The following PCDHA4 variants were observed in gnomAD, a reference collection of about 807,000 sequenced individuals.
PCDHA4 encodes protocadherin alpha 4.
Under a neutral mutation model 61.4 loss-of-function variants are expected in PCDHA4, and 49 were observed. That is an observed-to-expected ratio of 0.80 (90% CI 0.63 to 1.01). The LOEUF is 1.01. Among genes scored for constraint, PCDHA4 ranks in the 50% least tolerant of loss-of-function variants. PCDHA4 has a pLI of 0.00. For missense variants in PCDHA4, 1,254 were observed against 1,235.8 expected (o/e 1.01, Z -0.22); for synonymous variants, 590 against 550.3 (o/e 1.07, Z -1.01).
At chr5:140,917,690 G>C (rs2078307385) in intron 1 of PCDHA4, among the ~76,000 whole-genome samples, 1 of 152,108 alleles carries the variant, frequency 6.6e-6, no homozygotes, top group African/African-American at 2.4e-5. Context: ...TTTTGTTGAA[G>C]ATCAGATAAT....
chr5:140,842,160 C>T (rs1777743066), intron 1 of PCDHA4: 3 of 1,613,732 alleles, frequency 1.9e-6, no homozygotes, highest in Non-Finnish European at 2.5e-6. Flanking sequence ...ATTTCATATT[C>T]TTTTAATAGC....
At chr5:140,876,760 G>A (rs2056562687) in intron 1 of PCDHA4, 4 of 1,614,234 alleles carry the variant, frequency 2.5e-6, no homozygotes, top group South Asian at 2.2e-5. Flanking sequence ...TGCGCGGGAT[G>A]GGGGCTCGCC....
At chr5:140,912,578 A>G (rs2075983045) in intron 1 of PCDHA4, among the ~76,000 whole-genome samples, 1 of 152,052 alleles carries the variant, frequency 6.6e-6, no homozygotes, top group Admixed American at 6.5e-5. Context: ...CCTCTTTTCC[A>G]ATTTGGATGC....
At position 140,855,941 on chromosome 5, in the gene PCDHA4, C is replaced by G; in HGVS notation, c.2385+46369C>G. Reference sequence around the variant, plus strand: ...AGGAAGTAGCGTCATTCTGAGATCTCAGCCATTTCGATAAAAAATAGATAT... The same window carrying G: ...AGGAAGTAGCGTCATTCTGAGATCTGAGCCATTTCGATAAAAAATAGATAT... On this transcript the variant is annotated intron_variant, in intron 1 of 3. Transcript: ENST00000530339. The G allele has an allele frequency of 3.0e-6, 4 of 1,328,222 alleles. 1 individual carries two copies. The highest frequency in any genetic ancestry group is 4.1e-6 in the Non-Finnish European group (4 of 966,976). The allele number at this position is 1,328,222 out of a possible 1,614,324, so 82.3% of individuals were successfully genotyped here.
chr5:140,818,409 C>T (rs1766349946), intron 1 of PCDHA4, among the ~76,000 whole-genome samples: 1 of 152,056 alleles, frequency 6.6e-6, no homozygotes, highest in Non-Finnish European at 1.5e-5. Flanking sequence ...TTTTATTTTC[C>T]TTTTTAAAAA....
At chr5:140,876,843 G>A (rs1554169011) in intron 1 of PCDHA4, 3 of 1,614,128 alleles carry the variant, frequency 1.9e-6, no homozygotes, top group East Asian at 2.2e-5. Flanking sequence ...CGTTCGCGCA[G>A]CCCGAGTACA....
intron 1 of PCDHA4, among the ~76,000 whole-genome samples, chr5:140,847,173 G>A (rs1554141670): frequency 6.7e-6 from 1 of 149,492 alleles, no homozygotes; most frequent in African/African-American, 2.4e-5. Context: ...ATAAACTAAA[G>A]GGCCATGAGT....
intron 1 of PCDHA4, among the ~76,000 whole-genome samples, chr5:140,820,465 G>C (rs1766763735): frequency 6.6e-6 from 1 of 151,906 alleles, no homozygotes; most frequent in African/African-American, 2.4e-5. Context: ...GTCTTCACAG[G>C]TAAGGGATAT....
chr5:140,875,984 C>T (rs2056022183), intron 1 of PCDHA4: 1 of 1,613,870 alleles, frequency 6.2e-7, no homozygotes, highest in East Asian at 2.2e-5. Flanking sequence ...TTGACCTATG[C>T]GTTAAGTCTA....
At chr5:140,829,217 G>C (rs2150164060) in intron 1 of PCDHA4, 54 of 1,614,086 alleles carry the variant, frequency 3.3e-5, no homozygotes, top group Non-Finnish European at 4.3e-5. Flanking sequence ...TAGCGTGAAC[G>C]ACCTCGATTC....
intron 1 of PCDHA4, chr5:140,809,983 A>T (rs1554125393): frequency 6.3e-6 from 1 of 158,314 alleles, no homozygotes; most frequent in East Asian, 1.9e-4. Flanking sequence ...CCTCGCATGC[A>T]CCTGCCAAAT....
intron 1 of PCDHA4, among the ~76,000 whole-genome samples, chr5:140,847,087 C>G (rs192682814): frequency 6.7e-6 from 1 of 149,796 alleles, no homozygotes; most frequent in Non-Finnish European, 1.5e-5. Flanking sequence ...GAAAAGTCCA[C>G]TTTGGTTAAA....
chr5:140,903,550 C>T lies in PCDHA4; in HGVS notation c.2386-75399C>T, dbSNP rs139225982. 2.6e-3 allele frequency among the ~76,000 whole-genome samples: 396 copies of T among 152,250 alleles called. 2 individuals carry two copies. The highest frequency in any genetic ancestry group is 9.3e-3 in the African/African-American group (385 of 41,564). The stretch of plus-strand genomic sequence containing the variant: ...CTTTAAACTAGAGCAAGAAACTTTT[C>T]TAATAAGTGGAATTGGGAGCTGTCT... On this transcript the variant is annotated intron_variant, in intron 1 of 3. Transcript: ENST00000530339.
Position 140,858,130 on chromosome 5 carries a change from C to G in PCDHA4, c.2385+48558C>G, listed in dbSNP as rs1210306605. ...CGCCCGAGGTGGCCCTGGTGGATGT[C>G]AACGTGTACCTGATCATCGCCATCT... On this transcript the variant is annotated intron_variant, in intron 1 of 3. Transcript: ENST00000530339. 27 of 1,597,776 alleles carry G rather than the reference C, an allele frequency of 1.7e-5. 5 individuals carry two copies. The highest frequency in any genetic ancestry group is 2.3e-5 in the Non-Finnish European group (27 of 1,167,556).
chr5:140,886,097 A>C (rs1341108712), intron 1 of PCDHA4, among the ~76,000 whole-genome samples: 1 of 152,214 alleles, frequency 6.6e-6, no homozygotes, highest in Admixed American at 6.5e-5. Context: ...ATTGACATTG[A>C]TACAGTAAAG....
chr5:140,931,395 C>T lies in PCDHA4; in HGVS notation c.2386-47554C>T, dbSNP rs141099105. Among the ~76,000 whole-genome samples the T allele has an allele frequency of 5.8e-3, 884 of 151,620 alleles. 4 individuals carry two copies. The highest frequency in any genetic ancestry group is 0.021 in the African/African-American group (851 of 41,384). ...AGACTAGAAAGGAAACATAAGTAAG[C>T]GATAGGAAGGCTGATGAATCTAGAA... On this transcript the variant is annotated intron_variant, in intron 1 of 3. Coordinates refer to ENST00000530339, the MANE Select transcript of PCDHA4 (RefSeq NM_018907.4).
At chr5:140,868,969 T>G (rs986271383) in intron 1 of PCDHA4, 1 of 1,450,578 alleles carries the variant, frequency 6.9e-7, no homozygotes, top group South Asian at 1.4e-5. Flanking sequence ...ACAAAGGAAC[T>G]CCATCATACC....
intron 1 of PCDHA4, among the ~76,000 whole-genome samples, chr5:140,959,109 G>A (rs1401809702): frequency 1.3e-5 from 2 of 152,040 alleles, no homozygotes; most frequent in African/African-American, 4.8e-5. Context: ...GCAGGGGTCC[G>A]AAGGTGGGCG....
At chr5:140,827,791 G>T (rs1769410583) in intron 1 of PCDHA4, among the ~76,000 whole-genome samples, 1 of 152,224 alleles carries the variant, frequency 6.6e-6, no homozygotes, top group Non-Finnish European at 1.5e-5. Flanking sequence ...CACTGACCGT[G>T]CAAATTACAA....
Sources: allele counts gnomAD v4.1 joint callset (sites outside exome capture counted in the v4.1 genomes callset), GRCh38; gene constraint gnomAD v4.1.1; transcripts MANE v1.5; gene names NCBI Gene and HGNC (gene_info 2026-07-23, HGNC 2026-07-21).